Variants in IFT140 observed in about 807,000 individuals in gnomAD.
IFT140 encodes intraflagellar transport 140, also known as intraflagellar transport protein 140 homolog.
IFT140 carries 133 observed loss-of-function variants against 164.6 expected under a neutral mutation model. The ratio of observed to expected loss-of-function variants is 0.81; its 90% CI spans 0.70 to 0.93. The LOEUF (loss-of-function observed/expected upper bound fraction) is 0.93. Ranked by LOEUF, IFT140 falls within the 40% of genes least tolerant of loss-of-function variation. IFT140 has a pLI of 0.00. For synonymous variants in IFT140, 860 were observed against 817.3 expected (o/e 1.05, Z -0.89); for missense variants, 2,045 against 1,972.3 (o/e 1.04, Z -0.70).
At chr16:1,543,387 TGAGC>T (rs2031839425) in intron 19 of IFT140, among the ~76,000 whole-genome samples, 1 of 152,240 alleles carries the variant, frequency 6.6e-6, no homozygotes, top group African/African-American at 2.4e-5. Flanking sequence ...GAAAGTGCCC[TGAGC>T]GAGTCAGGCC....
In IFT140 at chr16:1,516,565, C is replaced by T. The variant is rs961047315; in HGVS notation, c.4182+1651G>A. On this transcript the variant is annotated intron_variant, in intron 30 of 30. Coordinates refer to ENST00000426508, the MANE Select transcript of IFT140 (RefSeq NM_014714.4). ...CGGGCGGATCATGAGGTCAGGAGAT[C>T]GAGACCATCCTGGCTAACACGGTGA... Among the ~76,000 whole-genome samples, 8 of 151,916 alleles carry T rather than the reference C, an allele frequency of 5.3e-5. No individual in the cohort carries two copies. The East Asian group carries it at 5.8e-4, about 11-fold the overall frequency.
intron 2 of IFT140, chr16:1,609,932 CTG>C (rs1022855330): frequency 2.6e-5 from 4 of 152,244 alleles, no homozygotes; most frequent in African/African-American, 9.6e-5. Flanking sequence ...AGGAGAAAAA[CTG>C]TATTTATTCT....
Position 1,510,825 on chromosome 16 carries a change from G to A in IFT140, c.*119C>T, listed in dbSNP as rs868011285. 6.4e-6 allele frequency: 6 copies of A among 942,952 alleles called. No homozygotes were observed. Among genetic ancestry groups the A allele is most frequent in the South Asian group, 1.4e-5 (1 of 70,568 alleles). 58.4% of individuals were successfully genotyped at this position (942,952 alleles called of 1,614,324 possible). On this transcript the variant is annotated 3_prime_UTR_variant, in exon 31 of 31. Coordinates refer to ENST00000426508, the MANE Select transcript of IFT140 (RefSeq NM_014714.4). ...CGCTGCGTTCTCGCCCAGCTCTGTC[G>A]CGTATTCCAACACAGACATGTTTTT...
intron 2 of IFT140, among the ~76,000 whole-genome samples, chr16:1,608,927 G>A (rs7199307): frequency 3.3e-5 from 5 of 151,984 alleles, no homozygotes; most frequent in African/African-American, 9.7e-5. Context: ...AGGCCGAGGC[G>A]GGTGGATCAC....
chr16:1,553,247 T>C lies in IFT140; in HGVS notation c.2399+4688A>G. ...CTCCATCTGTCTCTGTGTCTGTCTC[T>C]GTCTCTCTGTATCTCTCTTGGTCTC... On this transcript the variant is annotated intron_variant, in intron 19 of 30. Coordinates refer to ENST00000426508, the MANE Select transcript of IFT140 (RefSeq NM_014714.4). The surrounding 1 kb of genome is among the most constrained non-coding windows in gnomAD (Gnocchi z 4.4). The C allele has an allele frequency of 1.0e-6, 1 of 978,242 alleles. No homozygotes were observed. The highest frequency in any genetic ancestry group is 1.2e-6 in the Non-Finnish European group (1 of 823,420). The allele number at this position is 978,242 out of a possible 1,614,324, so 60.6% of individuals were successfully genotyped here.
At chr16:1,565,577 T>C (rs2033667368) in intron 16 of IFT140, among the ~76,000 whole-genome samples, 1 of 152,190 alleles carries the variant, frequency 6.6e-6, no homozygotes. Flanking sequence ...TGTGAGCATA[T>C]GCAGGCCCCA....
chr16:1,602,166 T>G (rs1279985456), intron 4 of IFT140: 1 of 589,172 alleles, frequency 1.7e-6, no homozygotes, highest in Non-Finnish European at 3.0e-6. Flanking sequence ...CAAAGTTCAT[T>G]TATAAAGGTG....
chr16:1,608,405 GA>G (rs1006745413), intron 2 of IFT140, among the ~76,000 whole-genome samples: 16 of 152,250 alleles, frequency 1.1e-4, no homozygotes, highest in Non-Finnish European at 2.4e-4. Context: ...GAGGTGGGCA[GA>G]TTGCCTGAGC....
chr16:1,534,673 G>A, intron 19 of IFT140: 1 of 1,464,042 alleles, frequency 6.8e-7, no homozygotes, highest in Non-Finnish European at 9.3e-7. Context: ...TCTGCCCTGA[G>A]CGTGGCCTCT....
chr16:1,555,210 C>A lies in IFT140; in HGVS notation c.2399+2725G>T, dbSNP rs1032562755. 1.7e-5 allele frequency: 13 copies of A among 775,878 alleles called. 1 individual carries two copies. The East Asian group carries it at 3.3e-4, about 20-fold the overall frequency. 48.1% of individuals were successfully genotyped at this position (775,878 alleles called of 1,614,324 possible). A position where few individuals can be genotyped will look rare whatever the true frequency, so the allele number is the denominator to read the frequency against. ...CTGTTATGTCGGTCATATGTCTGTA[C>A]GTGTCGTGGGCCAACCTCGTTCTGC... is the stretch of plus-strand genomic sequence containing the variant. On this transcript the variant is annotated intron_variant, in intron 19 of 30. Coordinates refer to ENST00000426508, the MANE Select transcript of IFT140 (RefSeq NM_014714.4).
chr16:1,523,602 A>G lies in IFT140; in HGVS notation c.3369T>C (p.Pro1123=), dbSNP rs757772941. Residue 1123 remains proline, a synonymous_variant, in exon 26 of 31, where the codon CCT becomes CCC. Coordinates refer to ENST00000426508, the MANE Select transcript of IFT140 (RefSeq NM_014714.4). ...AGTCGGAGCAGCGGGCCAGGAGCGC[A>G]GGGTCTGACGTCTCATCCAGGTCCT... is the stretch of plus-strand genomic sequence containing the variant. The part of the protein sequence containing the change: ...IAEDLDETSD[P]ALLARCSDFF... 1.9e-6 allele frequency: 3 copies of G among 1,613,942 alleles called. No individual in the cohort carries two copies. The Admixed American group carries it at 5.0e-5, about 27-fold the overall frequency.
At chr16:1,542,001 CT>C (rs767210976) in intron 19 of IFT140, 1 of 1,611,404 alleles carries the variant, frequency 6.2e-7, no homozygotes, top group East Asian at 2.2e-5. Flanking sequence ...CCTCCTGGGG[CT>C]GGTGGGCCTG....
Position 1,526,056 on chromosome 16 carries a change from T to C in IFT140, c.2599A>G (p.Arg867Gly). ...AGGAGGTCGTGGCGCTTGCACTTCC[T>C]GTACAGCTGCTCGGCGTCCTCCTGA... The part of the protein sequence containing the change: ...GMLEDAEQLY[R>G]KCKRHDLLNK... The change falls in exon 21 of 31, where the codon AGG becomes GGG. Residue 867 changes from arginine (R) to glycine (G), a missense_variant. Physicochemically the swap from Arg to Gly is moderately radical, Grantham distance 125 (BLOSUM62 -2). Coordinates refer to ENST00000426508, the MANE Select transcript of IFT140 (RefSeq NM_014714.4). 1.3e-6 allele frequency: 2 copies of C among 1,594,986 alleles called. No individual in the cohort carries two copies. The highest frequency in any genetic ancestry group is 1.7e-6 in the Non-Finnish European group (2 of 1,171,136).
At chr16:1,521,481 C>T (rs1220925372) in intron 26 of IFT140, among the ~76,000 whole-genome samples, 4 of 152,062 alleles carry the variant, frequency 2.6e-5, no homozygotes, top group South Asian at 2.1e-4. Flanking sequence ...CTCCACCTCC[C>T]GGGTTCAAGC....
chr16:1,543,753 G>C (rs916751471), intron 19 of IFT140, among the ~76,000 whole-genome samples: 1 of 152,208 alleles, frequency 6.6e-6, no homozygotes, highest in Non-Finnish European at 1.5e-5. Context: ...ACCCAGGCTA[G>C]GAAAGCTCCC....
At chr16:1,566,865 G>A (rs543158737) in intron 15 of IFT140, among the ~76,000 whole-genome samples, 45 of 152,020 alleles carry the variant, frequency 3.0e-4, no homozygotes, top group Non-Finnish European at 5.3e-4. Flanking sequence ...CCTCCCTGGC[G>A]GCACCTGCTC....
Position 1,586,175 on chromosome 16 carries a change from G to A in IFT140, c.1110C>T (p.Ala370=). 1.2e-6 allele frequency: 2 copies of A among 1,613,934 alleles called. No individual in the cohort carries two copies. Among genetic ancestry groups the A allele is most frequent in the African/African-American group, 1.3e-5 (1 of 75,018 alleles). The part of the protein sequence containing the change: ...SPGAEGKDRW[A]LQTPTELQGN... ...CTTGGAGCTCGGTAGGGGTCTGAAGGGCCCACCTGTCCTTGCCCTCTGCCC... is the reference window on the plus strand; with the variant it reads ...CTTGGAGCTCGGTAGGGGTCTGAAGAGCCCACCTGTCCTTGCCCTCTGCCC... Residue 370 remains alanine (A), a synonymous_variant, in exon 10 of 31, where the codon GCC becomes GCT. Transcript: ENST00000426508.
chr16:1,542,050 C>A, intron 19 of IFT140: 1 of 1,609,782 alleles, frequency 6.2e-7, no homozygotes, highest in Non-Finnish European at 8.5e-7. Flanking sequence ...TGGGAGGAGG[C>A]CATGGCCGCT....
rs1567375165 is a variant in IFT140 at position 1,563,446 on chromosome 16, C to CCGTCTCAAAAAAAA, written c.2067+550_2067+551insTTTTTTTTGAGACG. Among the ~76,000 whole-genome samples the CCGTCTCAAAAAAAA allele has an allele frequency of 1.3e-5, 2 of 150,696 alleles. 1 individual carries two copies. The highest frequency in any genetic ancestry group is 4.9e-5 in the African/African-American group (2 of 40,808). On this transcript the variant is annotated intron_variant, in intron 17 of 30. Coordinates refer to ENST00000426508, the MANE Select transcript of IFT140 (RefSeq NM_014714.4). ...CCAACCTGGGCGACAGAGAGAGACT[C>CCGTCTCAAAAAAAA]AAAAAACAAACAAAACAAACAAACA...
Sources: allele counts gnomAD v4.1 joint callset (sites outside exome capture counted in the v4.1 genomes callset), GRCh38; gene constraint gnomAD v4.1.1; non-coding constraint Gnocchi (gnomAD v3.1); transcripts MANE v1.5; gene names NCBI Gene and HGNC (gene_info 2026-07-23, HGNC 2026-07-21).